The following TMEM177 variants were observed in gnomAD, a reference collection of about 807,000 sequenced individuals.
TMEM177 encodes the protein transmembrane protein 177.
Under a neutral mutation model 14.2 loss-of-function variants are expected in TMEM177, and 4 were observed. The ratio of observed to expected loss-of-function variants is 0.28; its 90% confidence interval spans 0.14 to 0.64. TMEM177 has a LOEUF of 0.64. Among genes scored for constraint, TMEM177 ranks in the 30% least tolerant of loss-of-function variants. The probability of loss-of-function intolerance (pLI) is 0.82; values close to 1 mark genes in which losing one functional copy is unlikely to be tolerated. For missense variants in TMEM177, 344 were observed against 405.2 expected (o/e 0.85, Z 1.30); for synonymous variants, 179 against 174.5 (o/e 1.03, Z -0.20).
the TMEM177 span, among the ~76,000 whole-genome samples, chr2:119,718,898 T>C: frequency 5.3e-5 from 8 of 152,290 alleles, no homozygotes; most frequent in South Asian, 2.1e-4. Context: ...TTTTTTAAAA[T>C]TGAAGTATAG....
At position 119,680,992 on chromosome 2, in the gene TMEM177, C is replaced by G. The variant is rs781357119; in HGVS notation, c.139C>G (p.Gln47Glu). ...FPDPVVQWLY[Q>E]YWPQGQPAPL... Reference sequence around the variant, plus strand: ...GGATCCCGTGGTCCAATGGCTCTACCAGTACTGGCCTCAGGGCCAGCCAGC... The same window carrying G: ...GGATCCCGTGGTCCAATGGCTCTACGAGTACTGGCCTCAGGGCCAGCCAGC... The change falls in exon 2 of 2, where the codon CAG (glutamine) becomes GAG (glutamate). Residue 47 changes from glutamine to glutamate, a missense_variant. Transcript: ENST00000272521. 7 of 1,614,118 alleles carry G rather than the reference C, an allele frequency of 4.3e-6. No individual in the cohort carries two copies. In the African/African-American group the frequency reaches 6.7e-5, roughly 15 times the overall value.
the TMEM177 span, chr2:119,699,714 G>C: frequency 5.8e-6 from 1 of 172,184 alleles, no homozygotes; most frequent in South Asian, 1.2e-4. Flanking sequence ...AACACATGGG[G>C]ATTACAATGC....
chr2:119,694,196 T>TA, the TMEM177 span, among the ~76,000 whole-genome samples: 4 of 141,396 alleles, frequency 2.8e-5, no homozygotes, highest in Non-Finnish European at 6.1e-5. Context: ...ACACACAACA[T>TA]ACCATGCACA....
downstream of TMEM177, among the ~76,000 whole-genome samples, chr2:119,687,432 T>C (rs1689032775): frequency 6.6e-6 from 1 of 152,172 alleles, no homozygotes; most frequent in Admixed American, 6.5e-5. Context: ...CAGTTCCACA[T>C]GGCTGGGGAG....
chr2:119,697,138 C>T, the TMEM177 span, among the ~76,000 whole-genome samples: 2 of 152,238 alleles, frequency 1.3e-5, no homozygotes, highest in African/African-American at 4.8e-5. Flanking sequence ...GCTGGTCACA[C>T]TCAACTTGCC....
downstream of TMEM177, among the ~76,000 whole-genome samples, chr2:119,683,803 C>G (rs1020969431): frequency 7.2e-5 from 11 of 152,220 alleles, no homozygotes; most frequent in African/African-American, 2.7e-4. Flanking sequence ...CGCCTTGCTG[C>G]ACTGTTCGCA....
At chr2:119,685,866 A>G (rs1272964397), downstream of TMEM177, 1 of 601,508 alleles carries the variant, frequency 1.7e-6, no homozygotes, top group Non-Finnish European at 3.0e-6. Context: ...GGTTAGAAGT[A>G]ACTTTTTCAG....
At chr2:119,690,696 T>C (rs958844339), downstream of TMEM177, among the ~76,000 whole-genome samples, 27 of 152,204 alleles carry the variant, frequency 1.8e-4, no homozygotes, top group African/African-American at 4.8e-4. Context: ...ATAGACTTCA[T>C]TGTCATCATC....
At chr2:119,704,183 A>G in the TMEM177 span, among the ~76,000 whole-genome samples, 1 of 152,238 alleles carries the variant, frequency 6.6e-6, no homozygotes, top group African/African-American at 2.4e-5. Context: ...GTCTCCATGG[A>G]AGAGGAAGAA....
the TMEM177 span, among the ~76,000 whole-genome samples, chr2:119,691,634 C>T: frequency 1.3e-5 from 2 of 152,154 alleles, no homozygotes; most frequent in Non-Finnish European, 2.9e-5. Context: ...TGGACCATGT[C>T]GCTGTTCAGG....
At chr2:119,716,852 T>C in the TMEM177 span, among the ~76,000 whole-genome samples, 3 of 152,208 alleles carry the variant, frequency 2.0e-5, no homozygotes, top group African/African-American at 7.2e-5. Context: ...CGTAAGTACA[T>C]TTTCCTTCAA....
the TMEM177 span, among the ~76,000 whole-genome samples, chr2:119,700,963 C>T: frequency 6.6e-6 from 1 of 152,224 alleles, no homozygotes; most frequent in African/African-American, 2.4e-5. Context: ...GACGCTGTCC[C>T]TAAAAGGCTC....
chr2:119,721,845 T>A, the TMEM177 span, among the ~76,000 whole-genome samples: 1 of 152,190 alleles, frequency 6.6e-6, no homozygotes, highest in African/African-American at 2.4e-5. Context: ...TTGATGACCA[T>A]TCCTTCAGTC....
the TMEM177 span, among the ~76,000 whole-genome samples, chr2:119,703,152 CACCGTTAG>C: frequency 1.3e-5 from 2 of 152,220 alleles, no homozygotes; most frequent in Non-Finnish European, 2.9e-5. Flanking sequence ...GCACCTTTGT[CACCGTTAG>C]ACTTTTATCC....
At chr2:119,693,302 G>C in the TMEM177 span, among the ~76,000 whole-genome samples, 4 of 152,198 alleles carry the variant, frequency 2.6e-5, no homozygotes, top group Non-Finnish European at 5.9e-5. Flanking sequence ...GTTTGACGCA[G>C]TAGCACACAG....
chr2:119,714,479 C>T, the TMEM177 span, among the ~76,000 whole-genome samples: 3 of 152,308 alleles, frequency 2.0e-5, no homozygotes, highest in East Asian at 5.8e-4. Context: ...CTCATGAATC[C>T]TTTCTCCGTG....
the TMEM177 span, among the ~76,000 whole-genome samples, chr2:119,701,515 G>A: frequency 2.6e-5 from 4 of 152,128 alleles, no homozygotes; most frequent in African/African-American, 4.8e-5. Context: ...GGTGGGGTGC[G>A]GAGAGCTGAA....
downstream of TMEM177, chr2:119,685,921 C>G (rs1246765976): frequency 3.6e-6 from 2 of 556,714 alleles, no homozygotes; most frequent in Non-Finnish European, 6.4e-6. Context: ...AGCAGAACTT[C>G]CGAGGAGACC....
the TMEM177 span, among the ~76,000 whole-genome samples, chr2:119,718,867 C>T: frequency 3.3e-5 from 5 of 152,136 alleles, no homozygotes; most frequent in African/African-American, 7.2e-5. Flanking sequence ...GGGAAAGCCC[C>T]GATGTTTCCT....
Sources: allele counts gnomAD v4.1 joint callset (sites outside exome capture counted in the v4.1 genomes callset), GRCh38; gene constraint gnomAD v4.1.1; transcripts MANE v1.5; gene names NCBI Gene and HGNC (gene_info 2026-07-23, HGNC 2026-07-21).